CDH4: variants seen among roughly 807,000 people sequenced by gnomAD.
CDH4 encodes the protein cadherin 4.
CDH4 carries 33 observed loss-of-function variants against 86.0 expected under a neutral mutation model. That is an observed-to-expected ratio of 0.38 (90% CI 0.29 to 0.51). CDH4 has a LOEUF of 0.51. CDH4 is among the 20% of genes least tolerant of loss of function. CDH4 has a pLI of 0.86. For missense variants in CDH4, 1,114 were observed against 1,307.4 expected, an observed-to-expected ratio of 0.85 and a Z score of 2.28; for synonymous variants, 555 against 549.4, an observed-to-expected ratio of 1.01 and a Z score of -0.14.
chr20:61,426,258 A>T (rs539118195), intron 2 of CDH4, among the ~76,000 whole-genome samples: 1 of 152,194 alleles, frequency 6.6e-6, no homozygotes, highest in Non-Finnish European at 1.5e-5. Context: ...AATCTAGCTG[A>T]TAAAAATTTT....
At chr20:61,553,206 C>G (rs1445644613) in intron 2 of CDH4, among the ~76,000 whole-genome samples, 1 of 152,196 alleles carries the variant, frequency 6.6e-6, no homozygotes, top group Non-Finnish European at 1.5e-5. Context: ...TGTATGATTC[C>G]ATTCATTCTA....
chr20:61,491,477 A>C (rs1285943359), intron 2 of CDH4, among the ~76,000 whole-genome samples: 2 of 152,266 alleles, frequency 1.3e-5, no homozygotes, highest in Non-Finnish European at 2.9e-5. Context: ...GGAAGACAGC[A>C]CAAAAGGGTG....
intron 3 of CDH4, among the ~76,000 whole-genome samples, chr20:61,744,863 C>T (rs1234593207): frequency 2.0e-5 from 3 of 152,232 alleles, no homozygotes; most frequent in Non-Finnish European, 2.9e-5. Context: ...GTCCCCTTCG[C>T]CTTGAGTGTC....
intron 4 of CDH4, among the ~76,000 whole-genome samples, chr20:61,838,805 C>T (rs1981994643): frequency 1.6e-5 from 2 of 124,230 alleles, no homozygotes; most frequent in Admixed American, 2.1e-4. Flanking sequence ...GCCTGGGTGA[C>T]AGAGCAAGAC....
Position 61,280,912 on chromosome 20 carries a change from G to A in CDH4, c.169+25975G>A, listed in dbSNP as rs118179583. On this transcript the variant is annotated intron_variant, in intron 2 of 15. Coordinates refer to ENST00000614565, the MANE Select transcript of CDH4 (RefSeq NM_001794.5). ...GGGTCCAGGAACAGCTCACCCTGCCGCCCGCTGCCTGCTGCGTTCCTCTTT... is the reference window on the plus strand; with the variant it reads ...GGGTCCAGGAACAGCTCACCCTGCCACCCGCTGCCTGCTGCGTTCCTCTTT... Among the ~76,000 whole-genome samples, 1,255 of 152,308 alleles carry A rather than the reference G, an allele frequency of 8.2e-3. 6 individuals are homozygous for A. Among genetic ancestry groups the A allele is most frequent in the Non-Finnish European group, 0.013 (917 of 68,022 alleles).
intron 4 of CDH4, among the ~76,000 whole-genome samples, chr20:61,790,420 C>T (rs1299366572): frequency 6.7e-6 from 1 of 149,346 alleles, no homozygotes; most frequent in East Asian, 2.0e-4. Flanking sequence ...ACCCATCTAT[C>T]CATTCATCTC....
Position 61,517,727 on chromosome 20 carries a change from C to T in CDH4, c.170-225836C>T, listed in dbSNP as rs1170916442. On this transcript the variant is annotated intron_variant, in intron 2 of 15. Coordinates refer to ENST00000614565, the MANE Select transcript of CDH4 (RefSeq NM_001794.5). This position sits in a 1 kb window ranked among gnomAD's most constrained non-coding sequence, Gnocchi z 6.6. ...ACGTGTTCAGGACAGGAACAGCACA[C>T]TCAAGGTCACCATTCGTCTTATTCT... 6.6e-6 allele frequency among the ~76,000 whole-genome samples: 1 copy of T among 152,224 alleles called. No individual in the cohort carries two copies. The highest frequency in any genetic ancestry group is 1.5e-5 in the Non-Finnish European group (1 of 68,040).
rs2055201374 is a variant in CDH4 at position 61,937,093 on chromosome 20, C to G, written c.*150C>G. ...CCAATCCCCACGTTGAGCTGTCTAG[C>G]ATGAGCACCCACCCCCACAGCGCCC... On this transcript the variant is annotated 3_prime_UTR_variant, in exon 16 of 16. Transcript: ENST00000614565. The G allele has an allele frequency of 5.3e-6, 3 of 564,626 alleles. No homozygotes were observed. The highest frequency in any genetic ancestry group is 6.8e-5 in the East Asian group (2 of 29,366). The allele number at this position is 564,626 out of a possible 1,614,324, so 35.0% of individuals were successfully genotyped here.
At chr20:61,858,303 GTGTC>G (rs1294264352) in intron 6 of CDH4, among the ~76,000 whole-genome samples, 5 of 149,730 alleles carry the variant, frequency 3.3e-5, no homozygotes, top group Non-Finnish European at 7.4e-5. Context: ...GTGTGTCTCT[GTGTC>G]TGTATGTGTG....
intron 2 of CDH4, among the ~76,000 whole-genome samples, chr20:61,492,270 ATTG>A (rs2085631753): frequency 6.8e-6 from 1 of 147,548 alleles, no homozygotes; most frequent in African/African-American, 2.5e-5. Context: ...TGGTGTCAGT[ATTG>A]TTGATGTTGG....
At chr20:61,460,932 C>G (rs2145558500) in intron 2 of CDH4, among the ~76,000 whole-genome samples, 1 of 152,268 alleles carries the variant, frequency 6.6e-6, no homozygotes, top group Non-Finnish European at 1.5e-5. Context: ...TCTGCTTTGG[C>G]TCCATCAGCC....
chr20:61,504,548 G>A (rs758378125), intron 2 of CDH4, among the ~76,000 whole-genome samples: 3 of 152,160 alleles, frequency 2.0e-5, no homozygotes, highest in Non-Finnish European at 2.9e-5. Flanking sequence ...AGATCCCACC[G>A]TAGGCAATGG....
chr20:61,302,296 C>T (rs961927437), intron 2 of CDH4, among the ~76,000 whole-genome samples: 46 of 152,206 alleles, frequency 3.0e-4, no homozygotes, highest in African/African-American at 9.4e-4. Flanking sequence ...GTGTGCAGTC[C>T]GTATCCTCAC....
chr20:61,716,901 C>T (rs145508898), intron 2 of CDH4, among the ~76,000 whole-genome samples: 2 of 152,140 alleles, frequency 1.3e-5, no homozygotes, highest in African/African-American at 4.8e-5. Context: ...GAGTGAGCCT[C>T]TATCTCAAAA....
At chr20:61,348,571 T>C (rs2084692613) in intron 2 of CDH4, among the ~76,000 whole-genome samples, 1 of 152,180 alleles carries the variant, frequency 6.6e-6, no homozygotes, top group African/African-American at 2.4e-5. Flanking sequence ...AGAGCTTCAC[T>C]TCTGTTCTCT....
intron 10 of CDH4, among the ~76,000 whole-genome samples, 195 bp downstream of exon 10, chr20:61,923,899 C>G (rs2055014163): frequency 6.6e-6 from 1 of 152,212 alleles, no homozygotes; most frequent in African/African-American, 2.4e-5. Context: ...AGCCCCTGAT[C>G]AATCGTGAGT....
chr20:61,886,805 G>A (rs1984563104), intron 7 of CDH4, among the ~76,000 whole-genome samples: 1 of 152,178 alleles, frequency 6.6e-6, no homozygotes, highest in African/African-American at 2.4e-5. Context: ...GTGCCACACG[G>A]GCCCTTGGAG....
chr20:61,540,515 G>A (rs937112998), intron 2 of CDH4, among the ~76,000 whole-genome samples: 4 of 152,072 alleles, frequency 2.6e-5, no homozygotes, highest in African/African-American at 9.7e-5. Context: ...TCAGGGGCTG[G>A]TCTTGGGGTT....
intron 4 of CDH4, among the ~76,000 whole-genome samples, chr20:61,808,796 C>T (rs62206298): frequency 0.016 from 2,410 of 152,344 alleles, 37 homozygotes; most frequent in Admixed American, 0.026. Flanking sequence ...CTGCCCCCTC[C>T]ACCTTTGACT....
Sources: allele counts gnomAD v4.1 joint callset (sites outside exome capture counted in the v4.1 genomes callset), GRCh38; gene constraint gnomAD v4.1.1; non-coding constraint Gnocchi (gnomAD v3.1); transcripts MANE v1.5; gene names NCBI Gene and HGNC (gene_info 2026-07-23, HGNC 2026-07-21).